The following HELZ variants were observed in gnomAD, a reference collection of about 807,000 sequenced individuals.
The protein encoded by HELZ is ATP-dependent RNA helicase with zinc finger domain.
In HELZ, 23 loss-of-function variants were observed where a neutral mutation model predicts 218.2. That is an observed-to-expected ratio of 0.11 (90% CI 0.08 to 0.15). HELZ has a LOEUF of 0.15. Ranked by LOEUF, HELZ falls within the 10% of genes least tolerant of loss-of-function variation. The pLI is 1.00. For synonymous variants in HELZ, 814 were observed against 829.4 expected (o/e 0.98, Z 0.32); for missense variants, 1,813 against 2,353.7 (o/e 0.77, Z 4.75).
intron 13 of HELZ, among the ~76,000 whole-genome samples, chr17:67,171,571 A>G (rs915270944): frequency 1.3e-5 from 2 of 152,164 alleles, no homozygotes; most frequent in Non-Finnish European, 2.9e-5. Flanking sequence ...TTGGATTACT[A>G]TAATAGACTT....
rs559946062 is a variant in HELZ at position 67,116,113 on chromosome 17, T to C, written c.3839-1710A>G. Among the ~76,000 whole-genome samples, 3 of 152,150 alleles carry C rather than the reference T, an allele frequency of 2.0e-5. No individual in the cohort carries two copies. The South Asian group carries it at 6.2e-4, about 32-fold the overall frequency. On this transcript the variant is annotated intron_variant, in intron 27 of 32. Transcript: ENST00000358691. ...ATATAAATTGGAAAGTAGTCTGTGA[T>C]AGGTTAAAGATTTATACTATAAACC...
At chr17:67,226,282 A>G (rs1041635376) in intron 3 of HELZ, among the ~76,000 whole-genome samples, 9 of 149,318 alleles carry the variant, frequency 6.0e-5, no homozygotes, top group African/African-American at 9.8e-5. Flanking sequence ...GAAAAAAGGA[A>G]AAAAAAAAAG....
At chr17:67,227,984 TTCTA>T (rs954991920) in intron 3 of HELZ, among the ~76,000 whole-genome samples, 10 of 152,238 alleles carry the variant, frequency 6.6e-5, no homozygotes, top group African/African-American at 2.2e-4. Flanking sequence ...CTAAAATTTC[TTCTA>T]TCTAAATTCA....
At chr17:67,135,536 A>G (rs534331243) in intron 23 of HELZ, among the ~76,000 whole-genome samples, 2 of 152,318 alleles carry the variant, frequency 1.3e-5, no homozygotes, top group South Asian at 4.1e-4. Context: ...CACCGTCCTC[A>G]TCATTCCTAA....
chr17:67,184,863 T>C (rs538283961), intron 12 of HELZ, among the ~76,000 whole-genome samples: 4 of 149,940 alleles, frequency 2.7e-5, no homozygotes, highest in Non-Finnish European at 5.9e-5. Flanking sequence ...ATATTTCCCA[T>C]TCAAATTCCA....
chr17:67,228,708 A>G (rs1279727366), intron 3 of HELZ, among the ~76,000 whole-genome samples: 2 of 88,648 alleles, frequency 2.3e-5, no homozygotes, highest in Admixed American at 1.0e-4. Context: ...AAATTGATAC[A>G]TTATTATTAT....
chr17:67,219,662 A>G (rs2040692999), intron 3 of HELZ, among the ~76,000 whole-genome samples: 1 of 152,194 alleles, frequency 6.6e-6, no homozygotes, highest in Admixed American at 6.5e-5. Context: ...CAAATGCCAC[A>G]ACAAGAAGCA....
At chr17:67,096,788 T>C (rs2036762530) in intron 31 of HELZ, among the ~76,000 whole-genome samples, 1 of 152,232 alleles carries the variant, frequency 6.6e-6, no homozygotes, top group African/African-American at 2.4e-5. Context: ...TTTCTCCACA[T>C]CACTCAAACT....
At chr17:67,169,095 A>G (rs2039236421) in intron 13 of HELZ, among the ~76,000 whole-genome samples, 1 of 152,130 alleles carries the variant, frequency 6.6e-6, no homozygotes, top group African/African-American at 2.4e-5. Flanking sequence ...TCTGTCCCCA[A>G]ATTAAAAAAA....
At chr17:67,167,423 C>T (rs1367985566) in intron 14 of HELZ, 40 bp downstream of exon 14, 44 of 1,405,694 alleles carry the variant, frequency 3.1e-5, no homozygotes, top group Non-Finnish European at 4.3e-5. Context: ...GATAATGAGG[C>T]TACAGACCAC....
At chr17:67,140,484 A>G (rs2038289229) in intron 21 of HELZ, among the ~76,000 whole-genome samples, 1 of 152,208 alleles carries the variant, frequency 6.6e-6, no homozygotes, top group Non-Finnish European at 1.5e-5. Flanking sequence ...GATTTGAAAT[A>G]ACAGAAGCAT....
chr17:67,102,148 T>C (rs1331795210), intron 31 of HELZ, among the ~76,000 whole-genome samples: 1 of 152,068 alleles, frequency 6.6e-6, no homozygotes, highest in African/African-American at 2.4e-5. Flanking sequence ...AGTCTAAAAA[T>C]TGAAAGTAGC....
At chr17:67,187,018 C>T (rs2039774891) in intron 12 of HELZ, among the ~76,000 whole-genome samples, 1 of 152,138 alleles carries the variant, frequency 6.6e-6, no homozygotes, top group South Asian at 2.1e-4. Flanking sequence ...TTGTCTATGG[C>T]TGCTTTCTCA....
intron 31 of HELZ, among the ~76,000 whole-genome samples, chr17:67,089,242 C>G (rs986529793): frequency 4.6e-5 from 7 of 152,050 alleles, no homozygotes; most frequent in Non-Finnish European, 1.0e-4. Flanking sequence ...TTTATAAGCC[C>G]CTTTTCATTA....
chr17:67,175,991 C>T (rs1398839052), intron 13 of HELZ, among the ~76,000 whole-genome samples: 1 of 152,126 alleles, frequency 6.6e-6, no homozygotes, highest in Middle Eastern at 3.2e-3. Flanking sequence ...CACTGCCGTA[C>T]CACAATCTCT....
chr17:67,225,097 CATATAT>C (rs376297125), intron 3 of HELZ: 5 of 489,090 alleles, frequency 1.0e-5, no homozygotes, highest in African/African-American at 1.0e-4. Context: ...TAAAAAATTA[CATATAT>C]ATATAAGCCC....
At chr17:67,227,683 A>G (rs1195357962) in intron 3 of HELZ, among the ~76,000 whole-genome samples, 2 of 152,220 alleles carry the variant, frequency 1.3e-5, no homozygotes, top group African/African-American at 4.8e-5. Context: ...GAAGAATTGC[A>G]TCATAGCTAG....
At chr17:67,142,445 C>A (rs1439063289) in intron 21 of HELZ, among the ~76,000 whole-genome samples, 1 of 152,006 alleles carries the variant, frequency 6.6e-6, no homozygotes, top group African/African-American at 2.4e-5. Context: ...GAGCTCACGG[C>A]TGCAGTGAGC....
chr17:67,146,666 T>C (rs9903088), intron 20 of HELZ, among the ~76,000 whole-genome samples: 40,839 of 152,144 alleles, frequency 0.27, 7,289 homozygotes, highest in East Asian at 0.69. Flanking sequence ...GAAGACACCA[T>C]CTAGTACTTG....
Sources: gnomAD v4.1 joint callset for allele counts (sites outside exome capture counted in the v4.1 genomes callset) on GRCh38, gnomAD v4.1.1 for gene constraint, MANE v1.5 for transcripts, NCBI Gene and HGNC (gene_info 2026-07-23, HGNC 2026-07-21) for gene names.